The following LMTK2 variants were observed in gnomAD, a reference collection of about 807,000 sequenced individuals.
The protein encoded by LMTK2 is serine/threonine-protein kinase LMTK2.
A neutral mutation model predicts 127.5 loss-of-function variants in LMTK2; 37 were observed. That is an observed-to-expected ratio of 0.29 (90% CI 0.22 to 0.38). The LOEUF (loss-of-function observed/expected upper bound fraction) is 0.38, where lower values mean the gene tolerates loss of function less well. Ranked by LOEUF, LMTK2 falls within the 10% of genes least tolerant of loss-of-function variation. LMTK2 has a pLI of 1.00. For synonymous variants in LMTK2, 819 were observed against 810.1 expected (o/e 1.01, Z -0.19); for missense variants, 1,694 against 1,920.3 (o/e 0.88, Z 2.20).
chr7:98,183,601 GCTGGT>G (rs1797385836), intron 7 of LMTK2, among the ~76,000 whole-genome samples: 1 of 152,034 alleles, frequency 6.6e-6, no homozygotes, highest in South Asian at 2.1e-4. Context: ...TGTTGGCCAG[GCTGGT>G]CTTGAACTTA....
intron 1 of LMTK2, among the ~76,000 whole-genome samples, chr7:98,130,745 A>G (rs1034024446): frequency 2.0e-5 from 3 of 152,304 alleles, no homozygotes; most frequent in African/African-American, 7.2e-5. Flanking sequence ...AGAGGCCTAG[A>G]ACAAACCCTG....
chr7:98,123,822 T>C (rs897374996), intron 1 of LMTK2, among the ~76,000 whole-genome samples: 4 of 152,128 alleles, frequency 2.6e-5, no homozygotes, highest in African/African-American at 9.7e-5. Context: ...TATCAGCAGA[T>C]TGTTGGATGT....
At chr7:98,146,637 T>C (rs1189808474) in intron 3 of LMTK2, among the ~76,000 whole-genome samples, 1 of 152,212 alleles carries the variant, frequency 6.6e-6, no homozygotes. Context: ...GCACACAAAC[T>C]CTGCTCCTGT....
At chr7:98,118,776 C>A (rs7788829) in intron 1 of LMTK2, among the ~76,000 whole-genome samples, 150,765 of 152,298 alleles carry the variant, frequency 0.99, 74,646 homozygotes, top group Middle Eastern at 1. Context: ...GGCTTGCGTG[C>A]AGATCACCTA....
In LMTK2 at chr7:98,208,920, C is replaced by T. The variant is rs2116495970; in HGVS notation, c.*3428C>T. ...CCTTTCCAAACCCCTCCTTTTATTC[C>T]TGTTTCCCGAAATAAGGTATTTGTA... On this transcript the variant is annotated 3_prime_UTR_variant, in exon 14 of 14. Coordinates refer to ENST00000297293, the MANE Select transcript of LMTK2 (RefSeq NM_014916.4). 1 of 152,192 alleles carries T rather than the reference C, an allele frequency of 6.6e-6. No individual in the cohort carries two copies. The highest frequency in any genetic ancestry group is 1.9e-4 in the East Asian group (1 of 5,194). 9.4% of individuals were successfully genotyped at this position (152,192 alleles called of 1,614,324 possible). A position where few individuals can be genotyped will look rare whatever the true frequency, so the allele number is the denominator to read the frequency against.
intron 1 of LMTK2, among the ~76,000 whole-genome samples, chr7:98,114,081 C>T (rs1796243076): frequency 6.6e-6 from 1 of 152,008 alleles, no homozygotes; most frequent in African/African-American, 2.4e-5. Flanking sequence ...CTTTCATTTT[C>T]TCTGCCTTTT....
At chr7:98,141,833 C>T (rs1796704747) in intron 3 of LMTK2, among the ~76,000 whole-genome samples, 1 of 152,216 alleles carries the variant, frequency 6.6e-6, no homozygotes, top group Admixed American at 6.5e-5. Context: ...GGTGGTTTCT[C>T]TGCTAGTTCT....
At chr7:98,159,097 T>C (rs1338297485) in intron 5 of LMTK2, among the ~76,000 whole-genome samples, 1 of 152,230 alleles carries the variant, frequency 6.6e-6, no homozygotes, top group African/African-American at 2.4e-5. Flanking sequence ...TTAAGATTTC[T>C]TTTTTAATTT....
At chr7:98,128,969 C>T (rs889280903) in intron 1 of LMTK2, among the ~76,000 whole-genome samples, 1 of 152,104 alleles carries the variant, frequency 6.6e-6, no homozygotes, top group African/African-American at 2.4e-5. Flanking sequence ...TCTCACCACT[C>T]CAATACAGTG....
chr7:98,181,883 T>C lies in LMTK2; in HGVS notation c.792-3168T>C, dbSNP rs540343065. 5.9e-5 allele frequency among the ~76,000 whole-genome samples: 9 copies of C among 152,326 alleles called. No homozygotes were observed. The East Asian group carries it at 1.5e-3, about 26-fold the overall frequency. ...CATGTTGGCCAGGAAGGTCTCCATC[T>C]CTTGACCTTGTGATCTGCCTGCCTT... On this transcript the variant is annotated intron_variant, in intron 7 of 13. Coordinates refer to ENST00000297293, the MANE Select transcript of LMTK2 (RefSeq NM_014916.4).
intron 1 of LMTK2, among the ~76,000 whole-genome samples, chr7:98,123,157 T>C (rs1447348826): frequency 6.6e-6 from 1 of 152,210 alleles, no homozygotes; most frequent in African/African-American, 2.4e-5. Context: ...TTAGCCACAT[T>C]GTGGGCTAAT....
At chr7:98,155,726 G>A (rs1796917625) in intron 5 of LMTK2, among the ~76,000 whole-genome samples, 1 of 151,176 alleles carries the variant, frequency 6.6e-6, no homozygotes, top group African/African-American at 2.5e-5. Flanking sequence ...GACATTCTCA[G>A]ATGACAGAAA....
rs939448237 is a variant in LMTK2, at chr7:98,171,810, G to A, written c.791+136G>A. ...AGCTCATGTAGGTAGAAGCGATCTC[G>A]TTCTTACCCATGTCCGGATAAGGGT... On this transcript the variant is annotated intron_variant, in intron 7 of 13. Coordinates refer to ENST00000297293, the MANE Select transcript of LMTK2 (RefSeq NM_014916.4). The surrounding 1 kb of genome is among the most constrained non-coding windows in gnomAD (Gnocchi z 5.1). The A allele has an allele frequency of 7.3e-6, 7 of 965,268 alleles. No homozygotes were observed. The highest frequency in any genetic ancestry group is 8.8e-6 in the Non-Finnish European group (6 of 683,244). The allele number at this position is 965,268 out of a possible 1,614,324, so 59.8% of individuals were successfully genotyped here.
At chr7:98,124,104 T>G (rs931531264) in intron 1 of LMTK2, among the ~76,000 whole-genome samples, 3 of 152,242 alleles carry the variant, frequency 2.0e-5, no homozygotes, top group African/African-American at 4.8e-5. Context: ...TAAGAGGTTT[T>G]TCAAATGTCA....
chr7:98,152,841 G>T (rs1014237657), intron 4 of LMTK2, among the ~76,000 whole-genome samples: 1 of 152,180 alleles, frequency 6.6e-6, no homozygotes, highest in African/African-American at 2.4e-5. Context: ...GAAGGCTCCT[G>T]CAGGCCCAGG....
intron 1 of LMTK2, among the ~76,000 whole-genome samples, chr7:98,108,729 A>G (rs1796154438): frequency 6.6e-6 from 1 of 152,210 alleles, no homozygotes; most frequent in South Asian, 2.1e-4. Flanking sequence ...GCACTAGTAT[A>G]GTGTAGTAGG....
intron 6 of LMTK2, among the ~76,000 whole-genome samples, chr7:98,163,293 T>G: frequency 8.6e-6 from 1 of 116,066 alleles, no homozygotes; most frequent in Non-Finnish European, 2.0e-5. Context: ...TTTTATGCAT[T>G]TTTTTTTACC....
intron 2 of LMTK2, among the ~76,000 whole-genome samples, chr7:98,140,147 CT>C (rs1181373719): frequency 0.75 from 46,875 of 62,466 alleles, 18,225 homozygotes; most frequent in Middle Eastern, 0.89. Flanking sequence ...TCTTTCTTTT[CT>C]TTTCTTTTCT....
chr7:98,109,462 G>C (rs1322213266), intron 1 of LMTK2, among the ~76,000 whole-genome samples: 1 of 152,130 alleles, frequency 6.6e-6, no homozygotes, highest in Non-Finnish European at 1.5e-5. Context: ...CGCACAGTCA[G>C]GCCGGGAGCA....
Sources: allele counts gnomAD v4.1 joint callset (sites outside exome capture counted in the v4.1 genomes callset), GRCh38; gene constraint gnomAD v4.1.1; non-coding constraint Gnocchi (gnomAD v3.1); transcripts MANE v1.5; gene names NCBI Gene and HGNC (gene_info 2026-07-23, HGNC 2026-07-21).